Variants in EXOC4 observed in about 807,000 individuals in gnomAD.
EXOC4 encodes SEC8-like 1.
In EXOC4, 71 loss-of-function variants were observed where a neutral mutation model predicts 107.2. The ratio of observed to expected loss-of-function variants is 0.66; its 90% CI spans 0.55 to 0.81. The LOEUF is 0.81. Among genes scored for constraint, EXOC4 ranks in the 30% least tolerant of loss-of-function variants. EXOC4 has a pLI of 0.00. For missense variants in EXOC4, 1,108 were observed against 1,189.6 expected (o/e 0.93, Z 1.01); for synonymous variants, 456 against 441.2 (o/e 1.03, Z -0.42).
intron 7 of EXOC4, among the ~76,000 whole-genome samples, chr7:133,423,971 A>G (rs1214219859): frequency 6.6e-6 from 1 of 152,282 alleles, no homozygotes; most frequent in East Asian, 1.9e-4. Context: ...CTTCTGGGAC[A>G]GGTGGGGACT....
At chr7:133,664,145 A>G (rs1793759461) in intron 10 of EXOC4, among the ~76,000 whole-genome samples, 1 of 152,100 alleles carries the variant, frequency 6.6e-6, no homozygotes, top group Non-Finnish European at 1.5e-5. Flanking sequence ...AAGCCTACCT[A>G]GGCCATCCTG....
At chr7:133,851,023 T>C (rs1798230268) in intron 11 of EXOC4, among the ~76,000 whole-genome samples, 1 of 152,198 alleles carries the variant, frequency 6.6e-6, no homozygotes, top group Non-Finnish European at 1.5e-5. Context: ...CCCTGGAAAA[T>C]GTCCAGTGTC....
chr7:133,916,403 G>A (rs535706420), intron 12 of EXOC4, among the ~76,000 whole-genome samples: 1 of 152,162 alleles, frequency 6.6e-6, no homozygotes, highest in African/African-American at 2.4e-5. Context: ...CCTTAAGTCA[G>A]TCTGTCATGA....
At chr7:133,960,185 G>A (rs1231415874) in intron 14 of EXOC4, among the ~76,000 whole-genome samples, 1 of 152,012 alleles carries the variant, frequency 6.6e-6, no homozygotes, top group Non-Finnish European at 1.5e-5. Context: ...TAATGTGTTA[G>A]GATTTATTGA....
At chr7:133,320,548 G>C (rs911028551) in intron 5 of EXOC4, among the ~76,000 whole-genome samples, 1 of 152,044 alleles carries the variant, frequency 6.6e-6, no homozygotes, top group Non-Finnish European at 1.5e-5. Flanking sequence ...CCATCTCAAG[G>C]TCCTTAACTT....
intron 11 of EXOC4, among the ~76,000 whole-genome samples, chr7:133,872,214 G>A (rs1188655670): frequency 6.6e-6 from 1 of 152,110 alleles, no homozygotes; most frequent in East Asian, 1.9e-4. Context: ...TTAGCTTTTA[G>A]TATTTTATTT....
chr7:133,796,497 C>A (rs1485217907), intron 10 of EXOC4, among the ~76,000 whole-genome samples: 1 of 152,098 alleles, frequency 6.6e-6, no homozygotes, highest in Non-Finnish European at 1.5e-5. Context: ...TGGTGGCTCA[C>A]CCCTGTAATC....
intron 7 of EXOC4, among the ~76,000 whole-genome samples, chr7:133,412,658 A>G (rs1797388325): frequency 6.6e-6 from 1 of 152,040 alleles, no homozygotes; most frequent in African/African-American, 2.4e-5. Context: ...TCTATCTCTA[A>G]AAAAATCAGA....
chr7:134,004,774 A>T (rs1227030088), intron 15 of EXOC4, 138 bp from the exon 16 acceptor site: 2 of 676,152 alleles, frequency 3.0e-6, no homozygotes, highest in Non-Finnish European at 4.9e-6. Context: ...TAGGGTACAC[A>T]GTAAGTGTTG....
Position 133,483,975 on chromosome 7 carries a change from A to G in EXOC4, c.1417+3837A>G, listed in dbSNP as rs1043686214. On this transcript the variant is annotated intron_variant, in intron 9 of 17. Coordinates refer to ENST00000253861, the MANE Select transcript of EXOC4 (RefSeq NM_021807.4). ...GATTTTTGTTTCTTCTGTTAACACC[A>G]TATAGCGGCAGGCTTTGCTTCCCAG... The G allele has an allele frequency of 9.6e-6, 15 of 1,559,270 alleles. No homozygotes were observed. The South Asian group carries it at 1.1e-4, about 12-fold the overall frequency.
chr7:133,804,741 G>A (rs529589118), intron 10 of EXOC4, among the ~76,000 whole-genome samples: 3 of 152,098 alleles, frequency 2.0e-5, no homozygotes, highest in Middle Eastern at 3.2e-3. Flanking sequence ...TAAATTTCAC[G>A]TTTGAGAAAA....
At chr7:134,052,088 A>G (rs1367542683) in intron 17 of EXOC4, among the ~76,000 whole-genome samples, 1 of 152,222 alleles carries the variant, frequency 6.6e-6, no homozygotes, top group Non-Finnish European at 1.5e-5. Context: ...GTGCGTGTCC[A>G]TGAAGACGTC....
intron 11 of EXOC4, among the ~76,000 whole-genome samples, chr7:133,824,341 A>G (rs1797647546): frequency 6.6e-6 from 1 of 151,864 alleles, no homozygotes; most frequent in African/African-American, 2.4e-5. Flanking sequence ...CTCTCTGCCC[A>G]CATTTTCAAC....
Position 133,794,208 on chromosome 7 carries a change from G to A in EXOC4, c.1515-23117G>A, listed in dbSNP as rs574638941. On this transcript the variant is annotated intron_variant, in intron 10 of 17. Transcript: ENST00000253861. ...CTTTGAATCCTCTGTGATGCTTCTC[G>A]TGTTCTTTATCCCTAGTTGGAGAAA... Among the ~76,000 whole-genome samples, 8 of 152,136 alleles carry A rather than the reference G, an allele frequency of 5.3e-5. 1 individual carries two copies. The highest frequency in any genetic ancestry group is 9.6e-5 in the African/African-American group (4 of 41,500).
intron 9 of EXOC4, among the ~76,000 whole-genome samples, chr7:133,584,693 C>T (rs1758087281): frequency 6.7e-6 from 1 of 150,248 alleles, no homozygotes; most frequent in Non-Finnish European, 1.5e-5. Context: ...ACTCTCCTGC[C>T]TCAGCCTCCA....
chr7:133,840,086 G>C (rs897406422), intron 11 of EXOC4, among the ~76,000 whole-genome samples: 1 of 152,210 alleles, frequency 6.6e-6, no homozygotes, highest in African/African-American at 2.4e-5. Context: ...TGCTTAAGCT[G>C]AATCTAGAAA....
chr7:133,906,298 T>C (rs1799564433), intron 12 of EXOC4, among the ~76,000 whole-genome samples: 1 of 152,084 alleles, frequency 6.6e-6, no homozygotes, highest in Non-Finnish European at 1.5e-5. Flanking sequence ...CTAACTTAAC[T>C]TTGAACCTCA....
intron 9 of EXOC4, among the ~76,000 whole-genome samples, chr7:133,562,387 A>C (rs1450813948): frequency 6.6e-6 from 1 of 152,096 alleles, no homozygotes; most frequent in Non-Finnish European, 1.5e-5. Flanking sequence ...GGTTTCTGCA[A>C]TGCTAGGTTC....
rs148233933 is a variant in EXOC4 at position 133,727,064 on chromosome 7, T to C, written c.1515-90261T>C. On this transcript the variant is annotated intron_variant, in intron 10 of 17. Transcript: ENST00000253861. ...TAAATTTATTCAAATATTGCACTTA[T>C]TGCCTGTCAGATTCAAGCTAAATTT... 5.6e-3 allele frequency among the ~76,000 whole-genome samples: 858 copies of C among 152,336 alleles called. 7 individuals carry two copies. Among genetic ancestry groups the C allele is most frequent in the African/African-American group, 0.02 (811 of 41,572 alleles).
Sources: allele counts gnomAD v4.1 joint callset (sites outside exome capture counted in the v4.1 genomes callset), GRCh38; gene constraint gnomAD v4.1.1; transcripts MANE v1.5; gene names NCBI Gene and HGNC (gene_info 2026-07-23, HGNC 2026-07-21).